Variants in SLC38A9 observed in about 807,000 individuals in gnomAD.
SLC38A9 encodes neutral amino acid transporter 9.
Under a neutral mutation model 62.3 loss-of-function variants are expected in SLC38A9, and 48 were observed. That is an observed-to-expected ratio of 0.77 (90% CI 0.61 to 0.98). SLC38A9 has a LOEUF of 0.98. Among genes scored for constraint, SLC38A9 ranks in the 50% least tolerant of loss-of-function variants. The probability of loss-of-function intolerance (pLI) is 0.00; values close to 1 mark genes in which losing one functional copy is unlikely to be tolerated. For missense variants in SLC38A9, 541 were observed against 679.8 expected (o/e 0.80, Z 2.27); for synonymous variants, 204 against 227.7 (o/e 0.90, Z 0.94).
At chr5:55,704,144 G>A (rs1468888032) in intron 2 of SLC38A9, 1 of 152,090 alleles carries the variant, frequency 6.6e-6, no homozygotes, top group African/African-American at 2.4e-5. Flanking sequence ...GTCCAGCCTG[G>A]GCGGAAGAGT....
intron 14 of SLC38A9, among the ~76,000 whole-genome samples, chr5:55,628,901 C>T (rs145800536): frequency 1.7e-4 from 26 of 152,276 alleles, no homozygotes; most frequent in African/African-American, 5.8e-4. Flanking sequence ...GCCAAATGTA[C>T]ACATCAAAGC....
intron 1 of SLC38A9, among the ~76,000 whole-genome samples, chr5:55,711,831 T>C (rs942652454): frequency 1.3e-5 from 2 of 152,172 alleles, no homozygotes; most frequent in African/African-American, 2.4e-5. Flanking sequence ...GGTGCTCCCA[T>C]TCCTGCAAGT....
At chr5:55,632,954 A>G (rs1056210077) in intron 14 of SLC38A9, among the ~76,000 whole-genome samples, 1 of 152,166 alleles carries the variant, frequency 6.6e-6, no homozygotes, top group African/African-American at 2.4e-5. Context: ...TCTTCTTTCT[A>G]AAGGCTCCCA....
chr5:55,656,860 C>CT (rs11397177), intron 8 of SLC38A9, 86 bp from the exon 9 acceptor site: 175,485 of 447,602 alleles, frequency 0.39, 21,390 homozygotes, highest in African/African-American at 0.55. Flanking sequence ...TTATAAAAAT[C>CT]TTTTTTTTTT....
chr5:55,656,858 A>ATT, intron 8 of SLC38A9, 84 bp from the exon 9 acceptor site: 3 of 491,104 alleles, frequency 6.1e-6, no homozygotes, highest in East Asian at 4.2e-5. Context: ...ATTTATAAAA[A>ATT]TCTTTTTTTT....
At chr5:55,650,062 G>A (rs933672) in intron 10 of SLC38A9, among the ~76,000 whole-genome samples, 90,348 of 151,806 alleles carry the variant, frequency 0.6, 27,550 homozygotes, top group South Asian at 0.7. Flanking sequence ...GATGGTAAGA[G>A]GGTAAAGAAA....
At chr5:55,647,140 G>A (rs919422636) in intron 11 of SLC38A9, among the ~76,000 whole-genome samples, 10 of 151,740 alleles carry the variant, frequency 6.6e-5, no homozygotes, top group Non-Finnish European at 1.2e-4. Flanking sequence ...AATATAAATA[G>A]TGGTTATGTC....
In SLC38A9 at chr5:55,646,197, G is replaced by A. The variant is rs552307305; in HGVS notation, c.1061-302C>T. 3.0e-4 allele frequency among the ~76,000 whole-genome samples: 45 copies of A among 152,252 alleles called. 1 individual carries two copies. In the South Asian group the frequency reaches 6.6e-3, roughly 22 times the overall value. On this transcript the variant is annotated intron_variant, in intron 11 of 15. Transcript: ENST00000396865. ...TTGAGACCAGCCTGGCCAACATGGC[G>A]AAACCTTGTCTTTACTAAAAATACA...
Position 55,669,605 on chromosome 5 carries a change from A to G in SLC38A9, c.384T>C (p.Asn128=). ...TSLVTIFMIW[N]TMMGTSILSI... ...TTAGTATAGATGTTCCCATCATGGT[A>G]TTCCAAATCATAAAACTGAAAACAC... Residue 128 remains asparagine, a synonymous_variant, in exon 6 of 16, where the codon AAT becomes AAC. Coordinates refer to ENST00000396865, the MANE Select transcript of SLC38A9 (RefSeq NM_173514.4). 3 of 1,608,366 alleles carry G rather than the reference A, an allele frequency of 1.9e-6. No homozygotes were observed. The highest frequency in any genetic ancestry group is 2.6e-6 in the Non-Finnish European group (3 of 1,176,012).
intron 8 of SLC38A9, 31 bp downstream of exon 8, chr5:55,664,662 T>C: frequency 8.2e-7 from 1 of 1,218,714 alleles, no homozygotes; most frequent in Non-Finnish European, 1.1e-6. Flanking sequence ...TTGAAAGTAC[T>C]GTGTTAAAAG....
chr5:55,704,484 T>C (rs1483085374), intron 2 of SLC38A9: 1 of 152,212 alleles, frequency 6.6e-6, no homozygotes, highest in Non-Finnish European at 1.5e-5. Flanking sequence ...AGTACAAGCA[T>C]TTAGAAAAAT....
At chr5:55,673,353 T>C (rs1291915239) in intron 3 of SLC38A9, 3 of 152,222 alleles carry the variant, frequency 2.0e-5, no homozygotes, top group Non-Finnish European at 4.4e-5. Flanking sequence ...CCTAATCAAC[T>C]GCAGATTTTG....
At chr5:55,658,931 C>T (rs114148788) in intron 8 of SLC38A9, among the ~76,000 whole-genome samples, 4 of 152,122 alleles carry the variant, frequency 2.6e-5, no homozygotes, top group Non-Finnish European at 5.9e-5. Flanking sequence ...CCCCACAATA[C>T]AAGGATGGTT....
chr5:55,641,994 G>A (rs1390018828), intron 12 of SLC38A9, among the ~76,000 whole-genome samples: 2 of 152,230 alleles, frequency 1.3e-5, no homozygotes, highest in African/African-American at 4.8e-5. Flanking sequence ...CATGCAACAT[G>A]AGAACTGCCT....
intron 12 of SLC38A9, among the ~76,000 whole-genome samples, chr5:55,643,984 G>A (rs1745857318): frequency 6.6e-6 from 1 of 152,112 alleles, no homozygotes; most frequent in African/African-American, 2.4e-5. Flanking sequence ...TTTTTGAGAT[G>A]GAGTGTTGCT....
At chr5:55,630,264 G>A (rs965027184) in intron 14 of SLC38A9, among the ~76,000 whole-genome samples, 3 of 152,130 alleles carry the variant, frequency 2.0e-5, no homozygotes, top group African/African-American at 7.2e-5. Flanking sequence ...TTGTCTGCTA[G>A]TAAAACAAAC....
chr5:55,686,480 T>A (rs11738639), intron 3 of SLC38A9, among the ~76,000 whole-genome samples: 2 of 151,862 alleles, frequency 1.3e-5, no homozygotes, highest in Non-Finnish European at 2.9e-5. Context: ...TGTTTTTTCC[T>A]GTGAATGTGT....
At chr5:55,631,046 T>A (rs534974539) in intron 14 of SLC38A9, among the ~76,000 whole-genome samples, 14 of 152,122 alleles carry the variant, frequency 9.2e-5, no homozygotes, top group African/African-American at 3.4e-4. Flanking sequence ...GGTAGGAGAA[T>A]TGCTTGAACC....
intron 8 of SLC38A9, among the ~76,000 whole-genome samples, chr5:55,658,908 T>G (rs1015372511): frequency 6.6e-6 from 1 of 152,212 alleles, no homozygotes; most frequent in Non-Finnish European, 1.5e-5. Flanking sequence ...ACTAATGAAC[T>G]TATTTAAGTT....
Sources: allele counts gnomAD v4.1 joint callset (sites outside exome capture counted in the v4.1 genomes callset), GRCh38; gene constraint gnomAD v4.1.1; transcripts MANE v1.5; gene names NCBI Gene and HGNC (gene_info 2026-07-23, HGNC 2026-07-21).